Variants in TFPI observed in about 807,000 individuals in gnomAD.
TFPI encodes tissue factor pathway inhibitor.
A neutral mutation model predicts 34.6 loss-of-function variants in TFPI; 15 were observed. That is an observed-to-expected ratio of 0.43 (90% CI 0.29 to 0.67). The LOEUF (loss-of-function observed/expected upper bound fraction) is 0.67. TFPI is among the 30% of genes least tolerant of loss of function. The pLI is 0.15. For synonymous variants in TFPI, 105 were observed against 120.1 expected (o/e 0.87, Z 0.82); for missense variants, 301 against 364.0 (o/e 0.83, Z 1.41).
chr2:187,488,475 A>C (rs552834795), intron 3 of TFPI, 100 bp from the exon 4 acceptor site: 1 of 667,300 alleles, frequency 1.5e-6, no homozygotes, highest in East Asian at 3.2e-5. Flanking sequence ...TATTACCATT[A>C]AAATTATTCT....
At chr2:187,529,863 G>A (rs1331603856) in intron 1 of TFPI, among the ~76,000 whole-genome samples, 1 of 152,070 alleles carries the variant, frequency 6.6e-6, no homozygotes, top group Non-Finnish European at 1.5e-5. Flanking sequence ...TGTTTCTTGC[G>A]GCATTACTAA....
chr2:187,491,962 G>C (rs8176481), intron 3 of TFPI, among the ~76,000 whole-genome samples: 5,348 of 151,974 alleles, frequency 0.035, 282 homozygotes, highest in African/African-American at 0.11. Flanking sequence ...GTGATTTTCA[G>C]CATTTTTTCA....
chr2:187,468,345 A>G (rs1186809490), intron 6 of TFPI, among the ~76,000 whole-genome samples: 1 of 152,058 alleles, frequency 6.6e-6, no homozygotes, highest in Non-Finnish European at 1.5e-5. Flanking sequence ...TTGGCTTTAA[A>G]AAATTCTAAT....
intron 1 of TFPI, among the ~76,000 whole-genome samples, chr2:187,506,801 A>G (rs1409967321): frequency 6.6e-6 from 1 of 152,110 alleles, no homozygotes; most frequent in African/African-American, 2.4e-5. Flanking sequence ...CATACTACCA[A>G]CATAATTTAT....
chr2:187,483,381 T>C (rs1296248160), intron 6 of TFPI, among the ~76,000 whole-genome samples: 1 of 152,014 alleles, frequency 6.6e-6, no homozygotes, highest in Non-Finnish European at 1.5e-5. Flanking sequence ...GGACTACTTC[T>C]AAACAAAATC....
chr2:187,479,546 C>CATATATATAT (rs35837997), intron 6 of TFPI, among the ~76,000 whole-genome samples: 22 of 63,308 alleles, frequency 3.5e-4, no homozygotes, highest in South Asian at 8.0e-4. Context: ...ATATCACGTT[C>CATATATATAT]ATATATATAT....
intron 6 of TFPI, among the ~76,000 whole-genome samples, chr2:187,482,701 A>G (rs8176519): frequency 0.011 from 1,666 of 152,030 alleles, 39 homozygotes; most frequent in African/African-American, 0.038. Flanking sequence ...AAGATCTCAC[A>G]TAAGAAAGAA....
intron 3 of TFPI, among the ~76,000 whole-genome samples, chr2:187,489,183 C>A (rs1047729715): frequency 1.3e-5 from 2 of 150,896 alleles, no homozygotes; most frequent in Admixed American, 1.3e-4. Context: ...AGAAAGGGAG[C>A]GAGAGAGAGA....
At chr2:187,520,695 G>C (rs1249470278) in intron 1 of TFPI, 2 of 152,006 alleles carry the variant, frequency 1.3e-5, no homozygotes, top group Non-Finnish European at 2.9e-5. Flanking sequence ...TAAGGTGAGA[G>C]TATCTATATA....
At chr2:187,474,957 A>G (rs1380512057) in intron 6 of TFPI, among the ~76,000 whole-genome samples, 2 of 152,162 alleles carry the variant, frequency 1.3e-5, no homozygotes, top group Non-Finnish European at 2.9e-5. Flanking sequence ...AGAAGATAGA[A>G]TATTTTAATT....
At chr2:187,474,136 G>C (rs1235125829) in intron 6 of TFPI, among the ~76,000 whole-genome samples, 1 of 152,110 alleles carries the variant, frequency 6.6e-6, no homozygotes. Context: ...TTTATTCTAA[G>C]ATAATTATAT....
At chr2:187,483,263 T>A (rs1314917108) in intron 6 of TFPI, among the ~76,000 whole-genome samples, 3 of 151,862 alleles carry the variant, frequency 2.0e-5, no homozygotes, top group South Asian at 4.1e-4. Flanking sequence ...CTTTTTTTTT[T>A]ATTATTATTT....
At position 187,476,154 on chromosome 2, in the gene TFPI, C is replaced by A. The variant is rs527883606; in HGVS notation, c.628+7970G>T. ...CAACCACACCAAAGTTCCAGTCTTG[C>A]ATCCATGTGATCATATCTGCACTGG... On this transcript the variant is annotated intron_variant, in intron 6 of 7. Transcript: ENST00000233156. Among the ~76,000 whole-genome samples, 12 of 152,262 alleles carry A rather than the reference C, an allele frequency of 7.9e-5. No homozygotes were observed. In the South Asian group the frequency reaches 2.5e-3, roughly 32 times the overall value.
chr2:187,551,132 A>T (rs1342935871), intron 1 of TFPI, among the ~76,000 whole-genome samples: 1 of 152,092 alleles, frequency 6.6e-6, no homozygotes, highest in African/African-American at 2.4e-5. Context: ...TAGCTTTCTT[A>T]TGCCCTAATA....
intron 6 of TFPI, among the ~76,000 whole-genome samples, chr2:187,469,706 T>A (rs1379997463): frequency 6.6e-6 from 1 of 152,144 alleles, no homozygotes; most frequent in Non-Finnish European, 1.5e-5. Flanking sequence ...TAGGCTTATT[T>A]ATCCTACATG....
At chr2:187,499,691 C>T (rs897177775) in intron 2 of TFPI, 1 of 151,942 alleles carries the variant, frequency 6.6e-6, no homozygotes, top group Non-Finnish European at 1.5e-5. Flanking sequence ...CCTATCAGCT[C>T]CTTAAATATG....
At chr2:187,520,899 G>A (rs1687333398) in intron 1 of TFPI, among the ~76,000 whole-genome samples, 2 of 152,002 alleles carry the variant, frequency 1.3e-5, no homozygotes, top group African/African-American at 2.4e-5. Context: ...GTTGGCTCCT[G>A]TACTTCTTTG....
intron 6 of TFPI, among the ~76,000 whole-genome samples, chr2:187,472,730 G>A (rs569359869): frequency 3.0e-4 from 45 of 152,210 alleles, no homozygotes; most frequent in African/African-American, 9.9e-4. Context: ...AGAAAGACAC[G>A]GCCAGGCGTG....
At chr2:187,515,028 A>G (rs1045310146) in intron 1 of TFPI, 3 of 152,242 alleles carry the variant, frequency 2.0e-5, no homozygotes, top group African/African-American at 7.2e-5. Flanking sequence ...CTTTTACACT[A>G]TATGTGTCAG....
Sources: gnomAD v4.1 joint callset for allele counts (sites outside exome capture counted in the v4.1 genomes callset) on GRCh38, gnomAD v4.1.1 for gene constraint, MANE v1.5 for transcripts, NCBI Gene and HGNC (gene_info 2026-07-23, HGNC 2026-07-21) for gene names.